SPNS3: variants seen among roughly 807,000 people sequenced by gnomAD.
The protein encoded by SPNS3 is protein spinster homolog 3.
Under a neutral mutation model 54.4 loss-of-function variants are expected in SPNS3, and 51 were observed. The ratio of observed to expected loss-of-function variants is 0.94; its 90% CI spans 0.75 to 1.18. The LOEUF is 1.18. SPNS3 is among the 50% of genes most tolerant of loss of function. The pLI is 0.00. For missense variants in SPNS3, 669 were observed against 677.4 expected (o/e 0.99, Z 0.14); for synonymous variants, 309 against 294.7 (o/e 1.05, Z -0.50).
intron 8 of SPNS3, among the ~76,000 whole-genome samples, 183 bp downstream of exon 8, chr17:4,453,388 T>C (rs1338875085): frequency 6.6e-6 from 1 of 152,180 alleles, no homozygotes; most frequent in African/African-American, 2.4e-5. Context: ...GTGGCTCATG[T>C]CTGTAATCCT....
At position 4,486,701 on chromosome 17, in the gene SPNS3, A is replaced by G; in HGVS notation, c.1450+118A>G. 1 of 1,093,786 alleles carries G rather than the reference A, an allele frequency of 9.1e-7. No individual in the cohort carries two copies. The highest frequency in any genetic ancestry group is 1.3e-6 in the Non-Finnish European group (1 of 780,180). The allele number at this position is 1,093,786 out of a possible 1,614,324, so 67.8% of individuals were successfully genotyped here. ...GTTCATTCATCCAGAAATGCTTAGTACACCCCTGCTATGTACCAGGGAAGG... is the reference window on the plus strand; with the variant it reads ...GTTCATTCATCCAGAAATGCTTAGTGCACCCCTGCTATGTACCAGGGAAGG... On this transcript the variant is annotated intron_variant, in intron 11 of 11. Transcript: ENST00000355530. The surrounding 1 kb of genome is among the most constrained non-coding windows in gnomAD (Gnocchi z 5.5).
chr17:4,471,088 C>A (rs1422267912), intron 8 of SPNS3, among the ~76,000 whole-genome samples: 1 of 152,154 alleles, frequency 6.6e-6, no homozygotes, highest in Admixed American at 6.6e-5. Flanking sequence ...CCACGCCCAG[C>A]TAATTTTGTA....
chr17:4,486,661 C>A lies in SPNS3; in HGVS notation c.1450+78C>A. On this transcript the variant is annotated intron_variant, in intron 11 of 11. Transcript: ENST00000355530. This position sits in a 1 kb window ranked among gnomAD's most constrained non-coding sequence, Gnocchi z 5.5. ...ACAGCACTGGCCACCCCCTGAATCCCTGGCCAGTTTGTTTGTTCATTCATC... is the reference window on the plus strand; with the variant it reads ...ACAGCACTGGCCACCCCCTGAATCCATGGCCAGTTTGTTTGTTCATTCATC... The A allele has an allele frequency of 7.0e-7, 1 of 1,438,056 alleles. No homozygotes were observed. The highest frequency in any genetic ancestry group is 2.3e-5 in the East Asian group (1 of 42,906). 89.1% of individuals were successfully genotyped at this position (1,438,056 alleles called of 1,614,324 possible).
rs1384981562 is a variant in SPNS3, at chr17:4,447,109, T to A, written c.621+147T>A. 4.9e-6 allele frequency: 4 copies of A among 811,046 alleles called. No individual in the cohort carries two copies. In the East Asian group the frequency reaches 1.1e-4, roughly 22 times the overall value. 50.2% of individuals were successfully genotyped at this position (811,046 alleles called of 1,614,324 possible). ...GGTCAGGCATCGGCAGCTTTGGACA[T>A]GTGGGGCCTCATAGGGAGCATGGGG... On this transcript the variant is annotated intron_variant, in intron 5 of 11. Transcript: ENST00000355530.
At chr17:4,479,617 G>A (rs556343138) in intron 9 of SPNS3, among the ~76,000 whole-genome samples, 1 of 152,344 alleles carries the variant, frequency 6.6e-6, no homozygotes, top group Admixed American at 6.5e-5. Context: ...CCTTCCTTCT[G>A]CCTCCTGGCA....
rs1056420133 is a variant in SPNS3, at chr17:4,435,464, A to AT, written c.199+1298_199+1299insT. Among the ~76,000 whole-genome samples, 64 of 150,538 alleles carry AT rather than the reference A, an allele frequency of 4.3e-4. 1 individual carries two copies. The highest frequency in any genetic ancestry group is 2.6e-3 in the Admixed American group (39 of 15,100). On this transcript the variant is annotated intron_variant, in intron 1 of 11. Transcript: ENST00000355530. The stretch of plus-strand genomic sequence containing the variant: ...TCAAAAAAAAAAAAATAAAAAATAA[A>AT]AAATAAATAAATAAATAAATATTTT...
chr17:4,454,874 C>T (rs1322529982), intron 8 of SPNS3, among the ~76,000 whole-genome samples: 2 of 150,824 alleles, frequency 1.3e-5, no homozygotes, highest in Non-Finnish European at 2.9e-5. Flanking sequence ...CCACCCACCT[C>T]AGCCTCCCAA....
intron 8 of SPNS3, among the ~76,000 whole-genome samples, chr17:4,457,980 G>A (rs1233597258): frequency 6.6e-6 from 1 of 152,112 alleles, no homozygotes; most frequent in East Asian, 1.9e-4. Context: ...TCTGCGGCCA[G>A]AACTCTAACC....
At chr17:4,485,347 G>A (rs1049030335) in intron 9 of SPNS3, 1 of 152,146 alleles carries the variant, frequency 6.6e-6, no homozygotes, top group Admixed American at 6.5e-5. Flanking sequence ...GCTAGCGAGT[G>A]GGGATCTGGA....
At chr17:4,471,644 T>C (rs1971856691) in intron 8 of SPNS3, among the ~76,000 whole-genome samples, 1 of 151,886 alleles carries the variant, frequency 6.6e-6, no homozygotes, top group Admixed American at 6.6e-5. Flanking sequence ...TTTTGTATTT[T>C]TTGTAAAGGC....
chr17:4,448,714 G>A (rs375771988), intron 6 of SPNS3, among the ~76,000 whole-genome samples: 49 of 152,338 alleles, frequency 3.2e-4, no homozygotes, highest in African/African-American at 1.2e-3. Context: ...ATGATCCTCT[G>A]TGCCAGCCAT....
intron 2 of SPNS3, among the ~76,000 whole-genome samples, chr17:4,441,582 T>G (rs1313908084): frequency 6.6e-6 from 1 of 152,124 alleles, no homozygotes; most frequent in African/African-American, 2.4e-5. Flanking sequence ...AACATTTCCC[T>G]TCACTGGTTC....
At chr17:4,473,738 T>A (rs566832273) in intron 8 of SPNS3, among the ~76,000 whole-genome samples, 58 of 152,208 alleles carry the variant, frequency 3.8e-4, no homozygotes, top group Non-Finnish European at 7.4e-4. Flanking sequence ...GGAGGCCTGA[T>A]AACTGCCCAT....
chr17:4,460,684 C>T (rs1471060824), intron 8 of SPNS3, among the ~76,000 whole-genome samples: 2 of 151,458 alleles, frequency 1.3e-5, no homozygotes, highest in Non-Finnish European at 2.9e-5. Context: ...CCTTGTGATA[C>T]ACCTGCCTCA....
chr17:4,438,919 C>A (rs1053419930), intron 1 of SPNS3, among the ~76,000 whole-genome samples: 3 of 150,340 alleles, frequency 2.0e-5, no homozygotes, highest in African/African-American at 7.3e-5. Flanking sequence ...GCTGGGTGTA[C>A]ATGTCTGTGA....
intron 8 of SPNS3, among the ~76,000 whole-genome samples, chr17:4,456,778 G>C (rs940812815): frequency 1.3e-5 from 2 of 151,840 alleles, no homozygotes; most frequent in African/African-American, 4.8e-5. Context: ...GCAGTGGAGC[G>C]ATCTCAGCTC....
intron 8 of SPNS3, among the ~76,000 whole-genome samples, chr17:4,459,972 A>G (rs1971452445): frequency 6.6e-6 from 1 of 152,130 alleles, no homozygotes; most frequent in African/African-American, 2.4e-5. Flanking sequence ...TAGGGTGGCC[A>G]GAGAGACCTC....
chr17:4,447,575 G>A (rs766114542), intron 5 of SPNS3, among the ~76,000 whole-genome samples: 4 of 152,342 alleles, frequency 2.6e-5, no homozygotes, highest in South Asian at 2.1e-4. Flanking sequence ...GGGAGCTGGC[G>A]TGTGAAGTGC....
intron 2 of SPNS3, among the ~76,000 whole-genome samples, chr17:4,440,286 G>A (rs1970816331): frequency 6.6e-6 from 1 of 152,218 alleles, no homozygotes; most frequent in South Asian, 2.1e-4. Context: ...TGGGTGCCTG[G>A]ATGGTGACAC....
Sources: allele counts gnomAD v4.1 joint callset (sites outside exome capture counted in the v4.1 genomes callset), GRCh38; gene constraint gnomAD v4.1.1; non-coding constraint Gnocchi (gnomAD v3.1); transcripts MANE v1.5; gene names NCBI Gene and HGNC (gene_info 2026-07-23, HGNC 2026-07-21).